SMCO4: variants seen among roughly 807,000 people sequenced by gnomAD.
SMCO4 encodes the protein single-pass membrane protein with coiled-coil domains 4, also known as single-pass membrane and coiled-coil domain-containing protein 4.
A neutral mutation model predicts 3.6 loss-of-function variants in SMCO4; 4 were observed. The observed-to-expected ratio is 1.11, with a 90% CI of 0.54 to 2.53. The LOEUF is 2.53. Among genes scored for constraint, SMCO4 ranks in the 30% most tolerant of loss-of-function variants. The probability of loss-of-function intolerance (pLI) is 0.02; values close to 1 mark genes in which losing one functional copy is unlikely to be tolerated. For missense variants in SMCO4, 70 were observed against 80.8 expected, an observed-to-expected ratio of 0.87 and a Z score of 0.51; for synonymous variants, 36 against 35.3, an observed-to-expected ratio of 1.02 and a Z score of -0.07.
At chr11:93,547,845 C>T (rs1949324973), upstream of SMCO4, among the ~76,000 whole-genome samples, 1 of 152,270 alleles carries the variant, frequency 6.6e-6, no homozygotes, top group South Asian at 2.1e-4. Context: ...GACAAAGACT[C>T]GTGTGCAGGA....
At chr11:93,521,576 T>G (rs1398739206) in intron 1 of SMCO4, among the ~76,000 whole-genome samples, 1 of 152,230 alleles carries the variant, frequency 6.6e-6, no homozygotes, top group East Asian at 1.9e-4. Flanking sequence ...TCTCAGACTT[T>G]AGACCCCAAG....
At chr11:93,509,295 T>C (rs200498626) in intron 1 of SMCO4, among the ~76,000 whole-genome samples, 1 of 98,972 alleles carries the variant, frequency 1.0e-5, no homozygotes, top group African/African-American at 3.6e-5. Flanking sequence ...GACTCAAAAA[T>C]GGAAAAAAAA....
At chr11:93,482,597 T>G (rs901005881) in intron 2 of SMCO4, among the ~76,000 whole-genome samples, 22 of 151,560 alleles carry the variant, frequency 1.5e-4, no homozygotes, top group Non-Finnish European at 1.9e-4. Context: ...AGAAAAGGAG[T>G]GAGGCAAAAG....
At chr11:93,537,037 A>G (rs1486599584) in intron 1 of SMCO4, among the ~76,000 whole-genome samples, 1 of 152,156 alleles carries the variant, frequency 6.6e-6, no homozygotes, top group East Asian at 1.9e-4. Flanking sequence ...AACCAGTCCT[A>G]CCCTGAACCT....
intron 2 of SMCO4, among the ~76,000 whole-genome samples, chr11:93,489,134 G>A (rs539814997): frequency 1.3e-5 from 2 of 152,264 alleles, no homozygotes; most frequent in South Asian, 4.1e-4. Flanking sequence ...GGGAAGACTC[G>A]GAGGCAGTGC....
At chr11:93,486,531 G>A (rs1591303398) in intron 2 of SMCO4, among the ~76,000 whole-genome samples, 1 of 152,212 alleles carries the variant, frequency 6.6e-6, no homozygotes, top group South Asian at 2.1e-4. Flanking sequence ...GCCGCTACAC[G>A]CTGGCTGGGC....
chr11:93,524,259 C>G (rs894144984), intron 1 of SMCO4, among the ~76,000 whole-genome samples: 1 of 152,156 alleles, frequency 6.6e-6, no homozygotes, highest in Non-Finnish European at 1.5e-5. Context: ...CTCAGGCTCA[C>G]AAAGCCAGGA....
At chr11:93,522,032 CTG>C (rs758388175) in intron 1 of SMCO4, among the ~76,000 whole-genome samples, 4 of 152,238 alleles carry the variant, frequency 2.6e-5, no homozygotes, top group Non-Finnish European at 5.9e-5. Context: ...AATTCTCTGA[CTG>C]TGGATTGTGA....
chr11:93,498,327 G>A (rs1347198715), intron 2 of SMCO4, among the ~76,000 whole-genome samples: 1 of 152,210 alleles, frequency 6.6e-6, no homozygotes, highest in Non-Finnish European at 1.5e-5. Flanking sequence ...AAGGACAAAG[G>A]TTGGGGGCAG....
chr11:93,523,707 T>C (rs1192671213), intron 1 of SMCO4, among the ~76,000 whole-genome samples: 1 of 152,230 alleles, frequency 6.6e-6, no homozygotes, highest in Non-Finnish European at 1.5e-5. Context: ...CTTTTCAAGA[T>C]AATTATACAA....
At chr11:93,500,587 C>G (rs1050268655) in intron 1 of SMCO4, among the ~76,000 whole-genome samples, 5 of 152,068 alleles carry the variant, frequency 3.3e-5, no homozygotes, top group African/African-American at 1.2e-4. Context: ...GGACGCAGAA[C>G]TGGAAAGGGG....
rs1435837713 is a variant in SMCO4 at position 93,543,359 on chromosome 11, GCCTCT to G, written c.-242_-238del. On this transcript the variant is annotated 5_prime_UTR_variant, in exon 1 of 3. Coordinates refer to ENST00000298966, the MANE Select transcript of SMCO4 (RefSeq NM_020179.3). The stretch of plus-strand genomic sequence containing the variant: ...CGCCGCCGCTTGCGCTCCCCGCCTC[GCCTCT>G]CCTCTCGGCGCCCGCGCGGGCGACT... The G allele has an allele frequency of 6.6e-6, 1 of 151,968 alleles. No homozygotes were observed. Among genetic ancestry groups the G allele is most frequent in the African/African-American group, 2.4e-5 (1 of 41,188 alleles). 9.4% of individuals were successfully genotyped at this position (151,968 alleles called of 1,614,324 possible). A position where few individuals can be genotyped will look rare whatever the true frequency, so the allele number is the denominator to read the frequency against.
intron 2 of SMCO4, among the ~76,000 whole-genome samples, chr11:93,490,068 G>A (rs1344572049): frequency 6.6e-6 from 1 of 152,236 alleles, no homozygotes; most frequent in Non-Finnish European, 1.5e-5. Flanking sequence ...CTGCCTTGAG[G>A]AAAGGCTGCC....
intron 1 of SMCO4, among the ~76,000 whole-genome samples, chr11:93,533,906 G>C (rs1408514805): frequency 6.6e-6 from 1 of 152,088 alleles, no homozygotes; most frequent in African/African-American, 2.4e-5. Context: ...ACAGTTATTA[G>C]CCAGGTGTGG....
At chr11:93,493,944 A>T (rs1308951887) in intron 2 of SMCO4, among the ~76,000 whole-genome samples, 1 of 152,024 alleles carries the variant, frequency 6.6e-6, no homozygotes, top group East Asian at 1.9e-4. Flanking sequence ...GTTCTCCCTT[A>T]TCCTAAACAT....
intron 2 of SMCO4, among the ~76,000 whole-genome samples, chr11:93,487,606 T>C (rs1389525571): frequency 2.6e-5 from 4 of 152,276 alleles, no homozygotes; most frequent in Admixed American, 6.5e-5. Flanking sequence ...TTTGAGTGGG[T>C]TGCCGAATGA....
At chr11:93,541,379 C>T (rs1303470978) in intron 1 of SMCO4, among the ~76,000 whole-genome samples, 1 of 152,104 alleles carries the variant, frequency 6.6e-6, no homozygotes, top group Non-Finnish European at 1.5e-5. Flanking sequence ...TCTGGGCATG[C>T]CAGAGGCAAG....
chr11:93,530,409 T>TCAAG (rs1224037624), intron 1 of SMCO4, among the ~76,000 whole-genome samples: 4 of 152,120 alleles, frequency 2.6e-5, no homozygotes, highest in Non-Finnish European at 5.9e-5. Context: ...GGGTGGTGGA[T>TCAAG]CAAGGGTCAG....
rs1948590624 is a variant in SMCO4, at chr11:93,481,387, A to G, written c.-80-2118T>C. On this transcript the variant is annotated intron_variant, in intron 2 of 2. Coordinates refer to ENST00000298966, the MANE Select transcript of SMCO4 (RefSeq NM_020179.3). ...CCGTGGGCGGCCCAGGGACGGGTGC[A>G]CTGAGCTCCTCTAAGCCTGACTGCA... 7.2e-6 allele frequency: 7 copies of G among 978,844 alleles called. No homozygotes were observed. In the Middle Eastern group the frequency reaches 1.6e-3, roughly 220 times the overall value. 60.6% of individuals were successfully genotyped at this position (978,844 alleles called of 1,614,324 possible).
Sources: allele counts gnomAD v4.1 joint callset (sites outside exome capture counted in the v4.1 genomes callset), GRCh38; gene constraint gnomAD v4.1.1; transcripts MANE v1.5; gene names NCBI Gene and HGNC (gene_info 2026-07-23, HGNC 2026-07-21).